The following ALDH1A3 variants were observed in gnomAD, a reference collection of about 807,000 sequenced individuals.
ALDH1A3 encodes the protein aldehyde dehydrogenase 1 family member A3.
Under a neutral mutation model 57.5 loss-of-function variants are expected in ALDH1A3, and 28 were observed. The observed-to-expected ratio is 0.49, with a 90% CI of 0.36 to 0.67. ALDH1A3 has a LOEUF of 0.67. ALDH1A3 is among the 30% of genes least tolerant of loss of function. The pLI is 0.00. For synonymous variants in ALDH1A3, 281 were observed against 264.8 expected (o/e 1.06, Z -0.59); for missense variants, 507 against 669.4 (o/e 0.76, Z 2.68).
intron 12 of ALDH1A3, among the ~76,000 whole-genome samples, chr15:100,913,019 G>A (rs1171483026): frequency 1.0e-5 from 1 of 96,710 alleles, no homozygotes; most frequent in South Asian, 5.2e-4. Context: ...TTAGCCGGGC[G>A]TGGCAGCGGG....
In ALDH1A3 at chr15:100,915,759, G is replaced by A. The variant is rs1284713413; in HGVS notation, c.*986G>A. On this transcript the variant is annotated 3_prime_UTR_variant, in exon 13 of 13. Transcript: ENST00000329841. ...TAAAGCGTACACAACTGGAAAGACTGCTGTAATAACACAGCCTTGTTATTT... is the reference window on the plus strand; with the variant it reads ...TAAAGCGTACACAACTGGAAAGACTACTGTAATAACACAGCCTTGTTATTT... 1 of 152,192 alleles carries A rather than the reference G, an allele frequency of 6.6e-6. No homozygotes were observed. The allele number at this position is 152,192 out of a possible 1,614,324, so 9.4% of individuals were successfully genotyped here.
intron 1 of ALDH1A3, among the ~76,000 whole-genome samples, chr15:100,884,457 AAC>A (rs1163517591): frequency 1.3e-5 from 2 of 152,158 alleles, no homozygotes; most frequent in African/African-American, 2.4e-5. Flanking sequence ...GGGTTATATA[AAC>A]AGTTATTTGC....
intron 11 of ALDH1A3, among the ~76,000 whole-genome samples, chr15:100,907,541 G>A (rs1352100759): frequency 6.6e-6 from 1 of 152,210 alleles, no homozygotes; most frequent in Non-Finnish European, 1.5e-5. Context: ...GAGGGCTCCA[G>A]TACCTGTGCC....
chr15:100,907,840 CTTTCTTTTT>C (rs1464110245), intron 11 of ALDH1A3, among the ~76,000 whole-genome samples: 1 of 83,682 alleles, frequency 1.2e-5, no homozygotes, highest in Non-Finnish European at 2.4e-5. Flanking sequence ...TTCTTTCTTT[CTTTCTTTTT>C]TTTTTTTTTT....
At chr15:100,900,490 AG>A in intron 8 of ALDH1A3, 84 bp from the exon 9 acceptor site, 5 of 1,253,024 alleles carry the variant, frequency 4.0e-6, no homozygotes, top group Non-Finnish European at 5.6e-6. Context: ...GTGGGCAATT[AG>A]AATTGCAGCT....
chr15:100,894,128 C>CCA lies in ALDH1A3; in HGVS notation c.666+48_666+49dup, dbSNP rs1213683038. 6.2e-7 allele frequency: 1 copy of CCA among 1,604,272 alleles called. No individual in the cohort carries two copies. Among genetic ancestry groups the CCA allele is most frequent in the African/African-American group, 1.3e-5 (1 of 74,874 alleles). ...ATATCACATGTTCTTGGTAACATTC[C>CCA]CACTCCTAGGAACCAGGCCACCGTC... On this transcript the variant is annotated intron_variant, in intron 6 of 12. Coordinates refer to ENST00000329841, the MANE Select transcript of ALDH1A3 (RefSeq NM_000693.4). This position sits in a 1 kb window ranked among gnomAD's most constrained non-coding sequence, Gnocchi z 4.5.
In ALDH1A3 at chr15:100,915,187, C is replaced by T. The variant is rs568491784; in HGVS notation, c.*414C>T. The T allele has an allele frequency of 2.2e-5, 4 of 185,562 alleles. No homozygotes were observed. Among genetic ancestry groups the T allele is most frequent in the African/African-American group, 4.6e-5 (2 of 43,418 alleles). The allele number at this position is 185,562 out of a possible 1,614,324, so 11.5% of individuals were successfully genotyped here. On this transcript the variant is annotated 3_prime_UTR_variant, in exon 13 of 13. Transcript: ENST00000329841. ...TCTGCAAGCAGGGCTCTTGCACCAG[C>T]GGTCTCCTCAGGGTGGACCTGCTTA...
chr15:100,914,658 G>A, intron 12 of ALDH1A3, 43 bp from the exon 13 acceptor site: 1 of 1,576,276 alleles, frequency 6.3e-7, no homozygotes, highest in Non-Finnish European at 8.7e-7. Context: ...CAATGGCTAA[G>A]GGATGTACCC....
At chr15:100,902,944 C>T (rs114876247) in intron 9 of ALDH1A3, among the ~76,000 whole-genome samples, 95 of 152,300 alleles carry the variant, frequency 6.2e-4, no homozygotes, top group African/African-American at 1.5e-3. Context: ...CCCTTTTGGC[C>T]CCTCAGGGAG....
At chr15:100,901,054 T>G (rs1405769081) in intron 9 of ALDH1A3, among the ~76,000 whole-genome samples, 1 of 152,158 alleles carries the variant, frequency 6.6e-6, no homozygotes, top group Non-Finnish European at 1.5e-5. Flanking sequence ...AAAGGGGCTG[T>G]AGGCTGGCTG....
In ALDH1A3 at chr15:100,887,113, A is replaced by T. The variant is rs1303574971; in HGVS notation, c.205-459A>T. Among the ~76,000 whole-genome samples, 1 of 152,254 alleles carries T rather than the reference A, an allele frequency of 6.6e-6. No individual in the cohort carries two copies. The highest frequency in any genetic ancestry group is 6.5e-5 in the Admixed American group (1 of 15,292). On this transcript the variant is annotated intron_variant, in intron 2 of 12. Coordinates refer to ENST00000329841, the MANE Select transcript of ALDH1A3 (RefSeq NM_000693.4). The surrounding 1 kb of genome is among the most constrained non-coding windows in gnomAD (Gnocchi z 4.6). ...ATTGGTATTTGGCCACTGTAGAAAT[A>T]TTAAGATGTAAAGAAGAAAAAAAAT...
At chr15:100,901,321 C>T (rs1369540776) in intron 9 of ALDH1A3, among the ~76,000 whole-genome samples, 4 of 152,226 alleles carry the variant, frequency 2.6e-5, no homozygotes, top group Non-Finnish European at 5.9e-5. Context: ...CATCCTGTAT[C>T]ACTTTCTTAC....
At chr15:100,886,708 G>C (rs903226097) in intron 2 of ALDH1A3, among the ~76,000 whole-genome samples, 1 of 152,144 alleles carries the variant, frequency 6.6e-6, no homozygotes, top group Non-Finnish European at 1.5e-5. Context: ...ACTCTAAATG[G>C]CCCTCACTTC....
intron 12 of ALDH1A3, among the ~76,000 whole-genome samples, chr15:100,912,070 G>C (rs1384754446): frequency 2.0e-5 from 3 of 152,164 alleles, no homozygotes; most frequent in South Asian, 2.1e-4. Flanking sequence ...ACTGGGTTTT[G>C]GATATCCTTC....
intron 12 of ALDH1A3, among the ~76,000 whole-genome samples, chr15:100,909,902 C>A (rs1229339688): frequency 6.6e-6 from 1 of 152,242 alleles, no homozygotes; most frequent in Non-Finnish European, 1.5e-5. Context: ...CCAAACTCTT[C>A]CTTTTATTTC....
At chr15:100,886,808 G>A (rs899391469) in intron 2 of ALDH1A3, among the ~76,000 whole-genome samples, 1 of 152,186 alleles carries the variant, frequency 6.6e-6, no homozygotes, top group Non-Finnish European at 1.5e-5. Flanking sequence ...GAGGCTGAAG[G>A]GAGAAAAACG....
intron 7 of ALDH1A3, among the ~76,000 whole-genome samples, chr15:100,896,659 AT>A (rs2041706872): frequency 1.3e-5 from 2 of 152,222 alleles, no homozygotes; most frequent in Non-Finnish European, 1.5e-5. Context: ...CTCATCCAAC[AT>A]TTAAAGTGAA....
chr15:100,885,016 A>T (rs2041581877), intron 1 of ALDH1A3, among the ~76,000 whole-genome samples: 1 of 152,170 alleles, frequency 6.6e-6, no homozygotes, highest in Non-Finnish European at 1.5e-5. Flanking sequence ...ATTTAGAAAA[A>T]AATCTCTAAG....
chr15:100,897,118 G>A (rs1567170934), intron 7 of ALDH1A3, among the ~76,000 whole-genome samples: 2 of 152,212 alleles, frequency 1.3e-5, no homozygotes, highest in Admixed American at 6.5e-5. Context: ...TCCTTAGTTA[G>A]TCCAAGCCCT....
Sources: gnomAD v4.1 joint callset for allele counts (sites outside exome capture counted in the v4.1 genomes callset) on GRCh38, gnomAD v4.1.1 for gene constraint, Gnocchi (gnomAD v3.1) non-coding constraint, MANE v1.5 for transcripts, NCBI Gene and HGNC (gene_info 2026-07-23, HGNC 2026-07-21) for gene names.